APLP2: variants seen among roughly 807,000 people sequenced by gnomAD.
APLP2 encodes the protein amyloid beta precursor like protein 2.
In APLP2, 53 loss-of-function variants were observed where a neutral mutation model predicts 89.9. That is an observed-to-expected ratio of 0.59 (90% CI 0.47 to 0.74). APLP2 has a LOEUF of 0.74. APLP2 is among the 30% of genes least tolerant of loss of function. APLP2 has a pLI of 0.00. For missense variants in APLP2, 973 were observed against 975.9 expected, an observed-to-expected ratio of 1.00 and a Z score of 0.04; for synonymous variants, 372 against 348.6, an observed-to-expected ratio of 1.07 and a Z score of -0.75.
At chr11:130,093,204 A>C (rs999167146) in intron 1 of APLP2, among the ~76,000 whole-genome samples, 2 of 152,248 alleles carry the variant, frequency 1.3e-5, no homozygotes, top group African/African-American at 4.8e-5. Context: ...GTGCATGTGC[A>C]GGAAACTTCC....
At chr11:130,109,925 GCCACCAGT>G (rs1565577392) in intron 2 of APLP2, 1 of 254,002 alleles carries the variant, frequency 3.9e-6, no homozygotes, top group African/African-American at 2.2e-5. Context: ...CTGACAGAAA[GCCACCAGT>G]ATTGTAAAGG....
At chr11:130,129,248 T>C (rs1591836303) in intron 10 of APLP2, 42 bp downstream of exon 10, 7 of 1,572,842 alleles carry the variant, frequency 4.5e-6, no homozygotes, top group Non-Finnish European at 6.1e-6. Context: ...AGGTGGTATA[T>C]GTAGGGGACC....
intron 4 of APLP2, 152 bp from the exon 5 acceptor site, chr11:130,121,462 C>A: frequency 1.0e-6 from 1 of 987,776 alleles, no homozygotes; most frequent in Non-Finnish European, 1.4e-6. Flanking sequence ...AATATTATTA[C>A]AATTTTTTTT....
intron 1 of APLP2, among the ~76,000 whole-genome samples, chr11:130,087,608 T>A (rs1944319062): frequency 6.6e-6 from 1 of 152,200 alleles, no homozygotes; most frequent in Non-Finnish European, 1.5e-5. Flanking sequence ...AACATTGGTT[T>A]GAAATGATCT....
At chr11:130,074,033 C>G (rs1941649606) in intron 1 of APLP2, among the ~76,000 whole-genome samples, 1 of 152,106 alleles carries the variant, frequency 6.6e-6, no homozygotes, top group Admixed American at 6.6e-5. Context: ...CTGAGAACTT[C>G]AGTATATATT....
intron 1 of APLP2, among the ~76,000 whole-genome samples, chr11:130,091,701 C>T (rs1330224951): frequency 6.8e-4 from 90 of 133,080 alleles, no homozygotes; most frequent in African/African-American, 2.5e-3. Context: ...CCGGACGGGG[C>T]GGCTGGCCGG....
At position 130,141,138 on chromosome 11, in the gene APLP2, C is replaced by T. The variant is rs1005747045; in HGVS notation, c.1924-360C>T. 3 of 184,618 alleles carry T rather than the reference C, an allele frequency of 1.6e-5. No homozygotes were observed. Among genetic ancestry groups the T allele is most frequent in the African/African-American group, 7.1e-5 (3 of 42,248 alleles). The allele number at this position is 184,618 out of a possible 1,614,324, so 11.4% of individuals were successfully genotyped here. On this transcript the variant is annotated intron_variant, in intron 14 of 16. Coordinates refer to ENST00000338167, the MANE Select transcript of APLP2 (RefSeq NM_001142276.2). This position sits in a 1 kb window ranked among gnomAD's most constrained non-coding sequence, Gnocchi z 4.2. The stretch of plus-strand genomic sequence containing the variant: ...AGCCAGGATGGTCTCGATCTCCTGA[C>T]CTTGTGATCCACCTGCCTCGGCCTC...
intron 13 of APLP2, 148 bp downstream of exon 13, chr11:130,135,863 A>C (rs755165803): frequency 1.0e-6 from 1 of 961,838 alleles, no homozygotes; most frequent in Admixed American, 2.4e-5. Flanking sequence ...TTGAGCGCCT[A>C]CTGTGTGCAA....
chr11:130,120,821 A>G lies in APLP2; in HGVS notation c.516+3A>G. ...ACTGGCACACGGTAGTCAAAGAGGT[A>G]AGAGAACTCGGGGGGAAAGTCAGCT... On this transcript the variant is annotated splice_donor_region_variant and intron_variant, in intron 4 of 16. Coordinates refer to ENST00000338167, the MANE Select transcript of APLP2 (RefSeq NM_001142276.2). 6.2e-7 allele frequency: 1 copy of G among 1,608,084 alleles called. No homozygotes were observed. The highest frequency in any genetic ancestry group is 2.2e-5 in the East Asian group (1 of 44,864).
In APLP2 at chr11:130,123,861, CTG is replaced by C; in HGVS notation, c.1090+87_1090+88del. On this transcript the variant is annotated intron_variant, in intron 7 of 16. Coordinates refer to ENST00000338167, the MANE Select transcript of APLP2 (RefSeq NM_001142276.2). This position sits in a 1 kb window ranked among gnomAD's most constrained non-coding sequence, Gnocchi z 4.0. ...CTCCCTGCCGTCTTCGTGGCTGCATCTGTGTGGTGTCCCTGCCCACTCGGGTG... is the reference window on the plus strand; with the variant it reads ...CTCCCTGCCGTCTTCGTGGCTGCATCTGTGGTGTCCCTGCCCACTCGGGTG... 3.3e-6 allele frequency: 5 copies of C among 1,493,134 alleles called. No individual in the cohort carries two copies. Among genetic ancestry groups the C allele is most frequent in the African/African-American group, 1.4e-5 (1 of 72,578 alleles). The allele number at this position is 1,493,134 out of a possible 1,614,324, so 92.5% of individuals were successfully genotyped here. A position where few individuals can be genotyped will look rare whatever the true frequency, so the allele number is the denominator to read the frequency against.
chr11:130,136,315 A>AC (rs1452344941), intron 13 of APLP2, among the ~76,000 whole-genome samples: 6 of 152,176 alleles, frequency 3.9e-5, no homozygotes, highest in African/African-American at 1.4e-4. Context: ...GTTGCTGCTG[A>AC]CAGGGTAATG....
intron 3 of APLP2, among the ~76,000 whole-genome samples, chr11:130,119,248 C>T (rs1041713060): frequency 6.6e-6 from 1 of 152,228 alleles, no homozygotes; most frequent in Non-Finnish European, 1.5e-5. Context: ...TCCTGCATCT[C>T]TTCCTGGGCT....
chr11:130,135,652 G>C lies in APLP2; in HGVS notation c.1774G>C (p.Glu592Gln), dbSNP rs756652591. The C allele has an allele frequency of 1.3e-5, 21 of 1,614,056 alleles. No individual in the cohort carries two copies. Among genetic ancestry groups the C allele is most frequent in the Non-Finnish European group, 1.4e-5 (17 of 1,180,018 alleles). The change falls in exon 13 of 17, where the codon GAG becomes CAG. Residue 592 changes from glutamate (E) to glutamine (Q), a missense_variant. Transcript: ENST00000338167. ...TPVDVRVSSE[E>Q]SEEIPPFHPF... ...TGTGGACGTCCGGGTGAGCTCTGAG[G>C]AGAGTGAGGAGATCCCACCGTTCCA...
At chr11:130,077,762 AAC>A (rs1293010414) in intron 1 of APLP2, among the ~76,000 whole-genome samples, 2 of 152,268 alleles carry the variant, frequency 1.3e-5, no homozygotes, top group African/African-American at 4.8e-5. Context: ...TTAGAGTTGT[AAC>A]ACATATTTAT....
chr11:130,106,880 G>C (rs759019683), intron 1 of APLP2, among the ~76,000 whole-genome samples: 4 of 151,720 alleles, frequency 2.6e-5, no homozygotes, highest in Non-Finnish European at 2.9e-5. Context: ...GTAGGGACGG[G>C]GTTTTGCCAT....
intron 1 of APLP2, among the ~76,000 whole-genome samples, chr11:130,083,021 CTTTTCTTTTTTT>C (rs1193717797): frequency 1.8e-4 from 14 of 79,976 alleles, no homozygotes; most frequent in African/African-American, 6.1e-4. Flanking sequence ...TGAAACTTTT[CTTTTCTTTTTTT>C]TTTTTTTTTT....
chr11:130,092,589 CAATCGCAGG>C, intron 1 of APLP2, among the ~76,000 whole-genome samples: 1 of 148,628 alleles, frequency 6.7e-6, no homozygotes, highest in South Asian at 2.1e-4. Context: ...CGCGTGCCTG[CAATCGCAGG>C]CATTGGGCAG....
At position 130,090,851 on chromosome 11, in the gene APLP2, C is replaced by T. The variant is rs1325857884; in HGVS notation, c.106-18578C>T. On this transcript the variant is annotated intron_variant, in intron 1 of 16. Transcript: ENST00000338167. Reference sequence around the variant, plus strand: ...CCCAGTAGGGGCGGCCGGGCAGAGGCGCCCCTCACCTCCCGGACGGGGCGG... The same window carrying T: ...CCCAGTAGGGGCGGCCGGGCAGAGGTGCCCCTCACCTCCCGGACGGGGCGG... Among the ~76,000 whole-genome samples, 149 of 150,070 alleles carry T rather than the reference C, an allele frequency of 9.9e-4. 1 individual carries two copies. Among genetic ancestry groups the T allele is most frequent in the Admixed American group, 7.8e-3 (118 of 15,100 alleles).
chr11:130,119,634 A>C (rs1341193278), intron 3 of APLP2, among the ~76,000 whole-genome samples: 1 of 152,334 alleles, frequency 6.6e-6, no homozygotes, highest in Non-Finnish European at 1.5e-5. Context: ...TTTTGGGACA[A>C]GTTTTAGAAA....
Sources: gnomAD v4.1 joint callset for allele counts (sites outside exome capture counted in the v4.1 genomes callset) on GRCh38, gnomAD v4.1.1 for gene constraint, Gnocchi (gnomAD v3.1) non-coding constraint, MANE v1.5 for transcripts, NCBI Gene and HGNC (gene_info 2026-07-23, HGNC 2026-07-21) for gene names.